Variants in DEPDC5 observed in about 807,000 individuals in gnomAD.
DEPDC5 encodes DEP domain containing 5, GATOR1 subcomplex subunit, also known as GATOR1 complex protein DEPDC5.
A neutral mutation model predicts 217.3 loss-of-function variants in DEPDC5; 73 were observed. The observed-to-expected ratio is 0.34, with a 90% CI of 0.28 to 0.41. The LOEUF is 0.41. Among genes scored for constraint, DEPDC5 ranks in the 10% least tolerant of loss-of-function variants. The probability of loss-of-function intolerance (pLI) is 1.00; values close to 1 mark genes in which losing one functional copy is unlikely to be tolerated. For synonymous variants in DEPDC5, 733 were observed against 756.7 expected (o/e 0.97, Z 0.51); for missense variants, 1,675 against 2,070.1 (o/e 0.81, Z 3.70).
At chr22:31,845,312 C>T in intron 30 of DEPDC5, 75 bp downstream of exon 30, 1 of 1,520,706 alleles carries the variant, frequency 6.6e-7, no homozygotes, top group East Asian at 2.4e-5. Flanking sequence ...TTAGGGGCCT[C>T]TCATCATCAG....
chr22:31,828,093 T>C (rs1448241011), intron 24 of DEPDC5, among the ~76,000 whole-genome samples: 2 of 152,330 alleles, frequency 1.3e-5, no homozygotes, highest in East Asian at 3.9e-4. Flanking sequence ...GTACTTTTTT[T>C]ATTGTAAGTT....
At position 31,906,282 on chromosome 22, in the gene DEPDC5, T is replaced by A. The variant is rs757334439; in HGVS notation, c.4597T>A (p.Ser1533Thr). 6 of 1,613,860 alleles carry A rather than the reference T, an allele frequency of 3.7e-6. No individual in the cohort carries two copies. The highest frequency in any genetic ancestry group is 3.3e-5 in the Admixed American group (2 of 60,024). ...GCGGCGGCGGCGGAACTCCACCAGC[T>A]CCACCAACCAGAACATGTTCTGCGA... is the stretch of plus-strand genomic sequence containing the variant. ...QQRRRRNSTS[S>T]TNQNMFCEER... is the part of the protein sequence containing the mutation. Residue 1533 changes from serine (S) to threonine (T), a missense_variant, in exon 43 of 43, where the codon TCC becomes ACC. By Grantham distance (58) the Ser-to-Thr change is moderately conservative (BLOSUM62 1). Coordinates refer to ENST00000651528, the MANE Select transcript of DEPDC5 (RefSeq NM_001242896.3). The surrounding 1 kb of genome is among the most constrained non-coding windows in gnomAD (Gnocchi z 5.1).
At chr22:31,824,735 A>G (rs2089999601) in intron 24 of DEPDC5, among the ~76,000 whole-genome samples, 1 of 152,088 alleles carries the variant, frequency 6.6e-6, no homozygotes, top group South Asian at 2.1e-4. Context: ...TGGGAGACCA[A>G]GGCGGGTGGA....
At chr22:31,792,910 C>A in intron 12 of DEPDC5, 93 bp downstream of exon 12, 1 of 1,118,338 alleles carries the variant, frequency 8.9e-7, no homozygotes, top group South Asian at 1.9e-5. Flanking sequence ...CATGGCGAAA[C>A]CCTGTCTCTA....
At chr22:31,772,592 A>T (rs572646402) in intron 7 of DEPDC5, among the ~76,000 whole-genome samples, 2 of 152,242 alleles carry the variant, frequency 1.3e-5, no homozygotes, top group South Asian at 2.1e-4. Flanking sequence ...GGTCTATTGC[A>T]TATTCTGTGT....
intron 7 of DEPDC5, among the ~76,000 whole-genome samples, chr22:31,770,303 T>C (rs1244270559): frequency 1.3e-5 from 2 of 151,852 alleles, no homozygotes; most frequent in African/African-American, 2.4e-5. Flanking sequence ...TCATGAAATA[T>C]ACATTCCTCT....
chr22:31,885,023 A>G (rs943814059), intron 38 of DEPDC5, among the ~76,000 whole-genome samples: 2 of 152,112 alleles, frequency 1.3e-5, no homozygotes, highest in African/African-American at 4.8e-5. Flanking sequence ...AGCCACCTTC[A>G]TCTTCTGTCT....
At chr22:31,766,722 C>T (rs1376572363) in intron 6 of DEPDC5, 54 bp downstream of exon 6, 3 of 1,485,528 alleles carry the variant, frequency 2.0e-6, no homozygotes, top group Non-Finnish European at 2.8e-6. Flanking sequence ...TGTGAATAAT[C>T]CCTGTTTATT....
At chr22:31,880,049 G>A (rs769082966) in intron 38 of DEPDC5, 1 of 387,434 alleles carries the variant, frequency 2.6e-6, no homozygotes, top group South Asian at 2.4e-5. Context: ...GGGTTCTGTA[G>A]GATATAGGAG....
intron 36 of DEPDC5, chr22:31,875,414 A>G (rs1025937311): frequency 3.9e-5 from 6 of 153,098 alleles, no homozygotes; most frequent in Middle Eastern, 3.4e-3. Flanking sequence ...TTAAAAACTT[A>G]GAATCCCGAA....
At chr22:31,861,809 A>G (rs1302319029) in intron 33 of DEPDC5, among the ~76,000 whole-genome samples, 1 of 152,242 alleles carries the variant, frequency 6.6e-6, no homozygotes, top group Non-Finnish European at 1.5e-5. Context: ...CAATACAACC[A>G]GATAAATTTA....
chr22:31,859,559 T>C (rs1190513967), intron 32 of DEPDC5, among the ~76,000 whole-genome samples: 1 of 151,596 alleles, frequency 6.6e-6, no homozygotes, highest in Non-Finnish European at 1.5e-5. Context: ...GGCCAGCTAA[T>C]TTTTTTTATT....
At chr22:31,832,569 C>G (rs2090686693) in intron 24 of DEPDC5, among the ~76,000 whole-genome samples, 1 of 151,898 alleles carries the variant, frequency 6.6e-6, no homozygotes, top group Non-Finnish European at 1.5e-5. Flanking sequence ...TAGCTCACTG[C>G]AACCTTGGAC....
intron 10 of DEPDC5, among the ~76,000 whole-genome samples, chr22:31,790,958 G>A (rs955012948): frequency 5.3e-5 from 8 of 151,826 alleles, no homozygotes; most frequent in Non-Finnish European, 1.0e-4. Flanking sequence ...TGTTGGCCAG[G>A]CTGGTCTCGA....
At chr22:31,877,436 CAAAAAAAAAAAAAAA>C (rs71184527) in intron 37 of DEPDC5, among the ~76,000 whole-genome samples, 10 of 21,018 alleles carry the variant, frequency 4.8e-4, no homozygotes, top group South Asian at 5.0e-3. Context: ...GACTCCATCT[CAAAAAAAAAAAAAAA>C]AAAAAAAAAA....
At chr22:31,808,723 T>C (rs896441050) in intron 18 of DEPDC5, among the ~76,000 whole-genome samples, 19 of 151,966 alleles carry the variant, frequency 1.3e-4, no homozygotes, top group Non-Finnish European at 2.1e-4. Context: ...TGAGCCACCA[T>C]GCCCAGCTAA....
intron 26 of DEPDC5, chr22:31,837,412 A>G (rs1463043180): frequency 3.9e-6 from 2 of 514,558 alleles, no homozygotes; most frequent in Non-Finnish European, 6.8e-6. Context: ...GTACAGTGGT[A>G]TGATCACAAC....
At chr22:31,893,525 T>G in intron 38 of DEPDC5, 57 bp from the exon 39 acceptor site, 4 of 1,436,324 alleles carry the variant, frequency 2.8e-6, no homozygotes, top group Non-Finnish European at 3.7e-6. Context: ...TTATTTGTTC[T>G]TCTTCATCCC....
intron 32 of DEPDC5, among the ~76,000 whole-genome samples, chr22:31,860,859 C>T (rs1284131394): frequency 1.3e-5 from 2 of 152,186 alleles, no homozygotes; most frequent in Admixed American, 6.5e-5. Flanking sequence ...CAATGTATCT[C>T]TCCAAGAGGG....
Sources: allele counts gnomAD v4.1 joint callset (sites outside exome capture counted in the v4.1 genomes callset), GRCh38; gene constraint gnomAD v4.1.1; non-coding constraint Gnocchi (gnomAD v3.1); transcripts MANE v1.5; gene names NCBI Gene and HGNC (gene_info 2026-07-23, HGNC 2026-07-21).